Variants in ZFAT observed in about 807,000 individuals in gnomAD.
ZFAT encodes the protein zinc finger and AT-hook domain containing.
In ZFAT, 64 loss-of-function variants were observed where a neutral mutation model predicts 117.7. The observed-to-expected ratio is 0.54, with a 90% CI of 0.44 to 0.67. The LOEUF (loss-of-function observed/expected upper bound fraction) is 0.67. ZFAT is among the 30% of genes least tolerant of loss of function. ZFAT has a pLI of 0.00. For synonymous variants in ZFAT, 679 were observed against 615.0 expected (o/e 1.10, Z -1.54); for missense variants, 1,433 against 1,584.5 (o/e 0.90, Z 1.62).
chr8:134,505,664 C>T (rs906060445), intron 15 of ZFAT, among the ~76,000 whole-genome samples: 1 of 152,068 alleles, frequency 6.6e-6, no homozygotes, highest in Non-Finnish European at 1.5e-5. Flanking sequence ...CCGTTGCTGG[C>T]TCTGGGGATG....
At chr8:134,755,502 C>A in the ZFAT span, among the ~76,000 whole-genome samples, 1,421 of 149,858 alleles carry the variant, frequency 9.5e-3, 7 homozygotes, top group Middle Eastern at 0.017. Flanking sequence ...TTACTGAGTT[C>A]TTTTTGGCTT....
the ZFAT span, chr8:134,783,552 G>C: frequency 1.3e-5 from 2 of 152,176 alleles, no homozygotes. Flanking sequence ...GTTGCTGTAA[G>C]TGACCAAATA....
intron 4 of ZFAT, among the ~76,000 whole-genome samples, chr8:134,609,161 CA>C (rs1828131089): frequency 6.6e-6 from 1 of 151,872 alleles, no homozygotes; most frequent in East Asian, 1.9e-4. Flanking sequence ...CATATACACA[CA>C]CACACATATA....
At chr8:134,821,454 A>G in the ZFAT span, among the ~76,000 whole-genome samples, 1 of 152,106 alleles carries the variant, frequency 6.6e-6, no homozygotes, top group African/African-American at 2.4e-5. Context: ...AGTTCTGGCC[A>G]CTGTATTTTC....
At chr8:134,643,251 C>T (rs1830689681) in intron 2 of ZFAT, among the ~76,000 whole-genome samples, 1 of 152,248 alleles carries the variant, frequency 6.6e-6, no homozygotes, top group African/African-American at 2.4e-5. Flanking sequence ...GAATTGAATA[C>T]AGACCTGTTT....
At chr8:134,605,284 C>A (rs550438871) in intron 5 of ZFAT, among the ~76,000 whole-genome samples, 3 of 152,320 alleles carry the variant, frequency 2.0e-5, no homozygotes, top group Non-Finnish European at 4.4e-5. Context: ...CAGTGGCTCA[C>A]GCCTGTAATC....
chr8:134,610,025 A>G (rs1453170165), intron 4 of ZFAT, among the ~76,000 whole-genome samples: 2 of 152,184 alleles, frequency 1.3e-5, no homozygotes, highest in African/African-American at 2.4e-5. Context: ...GAGGAAAAAA[A>G]TACAAAACAG....
the ZFAT span, chr8:134,805,004 T>C: frequency 4.0e-6 from 2 of 496,500 alleles, no homozygotes; most frequent in South Asian, 1.5e-5. Flanking sequence ...CCAGTCATCA[T>C]CTTCAGCTAA....
rs1206907319 is a variant in ZFAT, at chr8:134,635,457, G to T, written c.448+2004C>A. Among the ~76,000 whole-genome samples the T allele has an allele frequency of 6.6e-5, 10 of 152,200 alleles. No homozygotes were observed. In the East Asian group the frequency reaches 1.9e-3, roughly 29 times the overall value. ...GATTCTCGAGAAGACAGCAGAAAAT[G>T]ATCGGAGAGAACTAGATTCTCTGAA... On this transcript the variant is annotated intron_variant, in intron 3 of 15. Coordinates refer to ENST00000377838, the MANE Select transcript of ZFAT (RefSeq NM_020863.4).
intron 3 of ZFAT, 117 bp downstream of exon 3, chr8:134,637,344 T>C: frequency 7.5e-7 from 1 of 1,328,910 alleles, no homozygotes; most frequent in Non-Finnish European, 1.0e-6. Flanking sequence ...TCCAGATGGG[T>C]GAGAGCTGAA....
At chr8:134,685,906 G>A (rs767983684) in intron 1 of ZFAT, among the ~76,000 whole-genome samples, 5 of 152,240 alleles carry the variant, frequency 3.3e-5, no homozygotes, top group Non-Finnish European at 5.9e-5. Flanking sequence ...TAAGTGAGGG[G>A]CTGCTGTTCC....
the ZFAT span, among the ~76,000 whole-genome samples, chr8:134,738,519 C>A: frequency 6.6e-6 from 1 of 152,346 alleles, no homozygotes; most frequent in African/African-American, 2.4e-5. Context: ...AGACACAGCT[C>A]TTTCTTCCCA....
chr8:134,506,704 T>C (rs1190090763), intron 15 of ZFAT, among the ~76,000 whole-genome samples: 3 of 152,200 alleles, frequency 2.0e-5, no homozygotes, highest in African/African-American at 7.2e-5. Context: ...TCATGAAAAA[T>C]TGTAAATAGA....
chr8:134,491,186 T>A (rs1818032215), intron 15 of ZFAT, among the ~76,000 whole-genome samples: 1 of 152,184 alleles, frequency 6.6e-6, no homozygotes, highest in South Asian at 2.1e-4. Flanking sequence ...GAGTACTGAG[T>A]CTGTGTGCTG....
chr8:134,557,045 T>C (rs556585685), intron 11 of ZFAT, among the ~76,000 whole-genome samples: 4 of 152,258 alleles, frequency 2.6e-5, no homozygotes, highest in Middle Eastern at 3.4e-3. Context: ...GAGGAGTTCA[T>C]AACATGAACA....
the ZFAT span, among the ~76,000 whole-genome samples, chr8:134,812,502 G>A: frequency 3.3e-5 from 5 of 152,168 alleles, no homozygotes; most frequent in South Asian, 2.1e-4. Flanking sequence ...AGGCCAAGGC[G>A]GGCAAATCAC....
the ZFAT span, among the ~76,000 whole-genome samples, chr8:134,826,598 C>A: frequency 1.3e-5 from 2 of 152,118 alleles, no homozygotes; most frequent in African/African-American, 2.4e-5. Flanking sequence ...TTTTAAAAGA[C>A]TGTACACCTT....
At position 134,627,017 on chromosome 8, in the gene ZFAT, G is replaced by A. The variant is rs1347348089; in HGVS notation, c.448+10444C>T. Among the ~76,000 whole-genome samples the A allele has an allele frequency of 2.0e-5, 3 of 152,286 alleles. No homozygotes were observed. The East Asian group carries it at 5.8e-4, about 29-fold the overall frequency. ...GCTTCCCAGGAAGAAAGCTCTGCCT[G>A]CACAAAAGAATCCATAAGACCAGTG... On this transcript the variant is annotated intron_variant, in intron 3 of 15. Coordinates refer to ENST00000377838, the MANE Select transcript of ZFAT (RefSeq NM_020863.4).
At chr8:134,496,014 C>T (rs1023297196) in intron 15 of ZFAT, among the ~76,000 whole-genome samples, 2 of 152,176 alleles carry the variant, frequency 1.3e-5, no homozygotes, top group Non-Finnish European at 2.9e-5. Context: ...CATCAGCACT[C>T]ACCTGCTAAA....
Sources: gnomAD v4.1 joint callset for allele counts (sites outside exome capture counted in the v4.1 genomes callset) on GRCh38, gnomAD v4.1.1 for gene constraint, MANE v1.5 for transcripts, NCBI Gene and HGNC (gene_info 2026-07-23, HGNC 2026-07-21) for gene names.